The following DMD variants were observed in gnomAD, a reference collection of about 807,000 sequenced individuals.
DMD encodes mutant dystrophin.
A neutral mutation model predicts 330.1 loss-of-function variants in DMD; 63 were observed. That is an observed-to-expected ratio of 0.19 (90% CI 0.16 to 0.24). The LOEUF is 0.24. Ranked by LOEUF, DMD falls within the 10% of genes least tolerant of loss-of-function variation. The pLI is 1.00. For synonymous variants in DMD, 1,223 were observed against 959.8 expected (o/e 1.27, Z -5.07); for missense variants, 3,344 against 2,684.1 (o/e 1.25, Z -5.43).
chrX:31,231,220 G>A (rs1272208105), intron 63 of DMD, among the ~76,000 whole-genome samples: 1 of 110,592 alleles, frequency 9.0e-6, no homozygotes, highest in African/African-American at 3.3e-5. Flanking sequence ...ACAAAGCAGT[G>A]TTGCCTGATC....
At chrX:32,472,644 G>A (rs2040783130) in intron 21 of DMD, among the ~76,000 whole-genome samples, 1 of 110,627 alleles carries the variant, frequency 9.0e-6, no homozygotes, top group Non-Finnish European at 1.9e-5. Context: ...TGATACAGAT[G>A]GTATTTGCAG....
chrX:32,316,202 TATTAAA>T (rs2097581934), intron 41 of DMD, among the ~76,000 whole-genome samples: 1 of 111,533 alleles, frequency 9.0e-6, no homozygotes, highest in Non-Finnish European at 1.9e-5. Flanking sequence ...CACTTAGAAA[TATTAAA>T]ATTCTTATGG....
At chrX:32,023,992 G>T (rs2095826569) in intron 44 of DMD, among the ~76,000 whole-genome samples, 1 of 111,371 alleles carries the variant, frequency 9.0e-6, no homozygotes, top group Non-Finnish European at 1.9e-5. Context: ...TACCATGCTC[G>T]CTACCTGGGT....
At chrX:33,220,020 G>C (rs1457554493) in intron 1 of DMD, among the ~76,000 whole-genome samples, 4 of 111,181 alleles carry the variant, frequency 3.6e-5, no homozygotes, top group African/African-American at 9.8e-5. Context: ...AATATGTCAA[G>C]GTAAAGGAAT....
intron 54 of DMD, among the ~76,000 whole-genome samples, chrX:31,656,994 C>T (rs776694200): frequency 2.7e-5 from 3 of 111,424 alleles, no homozygotes; most frequent in Non-Finnish European, 1.9e-5. Context: ...TTTAGTTGGC[C>T]GCTTAATTTC....
At chrX:31,270,495 G>T in intron 62 of DMD, among the ~76,000 whole-genome samples, 1 of 112,058 alleles carries the variant, frequency 8.9e-6, no homozygotes, top group South Asian at 3.7e-4. Context: ...GAGGGTAAAG[G>T]CATATCAACA....
intron 53 of DMD, among the ~76,000 whole-genome samples, chrX:31,670,599 T>A (rs180698246): frequency 8.9e-6 from 1 of 111,860 alleles, no homozygotes; most frequent in Admixed American, 9.5e-5. Flanking sequence ...CTGAAACCTG[T>A]AGGGGAGAAT....
At chrX:33,016,434 C>T (rs954480284) in intron 2 of DMD, among the ~76,000 whole-genome samples, 1 of 111,295 alleles carries the variant, frequency 9.0e-6, no homozygotes, top group African/African-American at 3.3e-5. Context: ...ATTTCCAGGT[C>T]TTCTCCCTGT....
At chrX:33,124,302 C>T (rs1415621529) in intron 1 of DMD, among the ~76,000 whole-genome samples, 1 of 108,468 alleles carries the variant, frequency 9.2e-6, no homozygotes, top group African/African-American at 3.4e-5. Context: ...ATGGTGAAAC[C>T]TCGGCTCTAC....
chrX:32,688,220 C>A (rs764515642), intron 9 of DMD, among the ~76,000 whole-genome samples: 13 of 110,743 alleles, frequency 1.2e-4, no homozygotes, highest in Non-Finnish European at 1.9e-4. Context: ...TAAATGAGAG[C>A]ATTCAAATAT....
chrX:32,595,921 C>T (rs2055468108), intron 12 of DMD, 45 bp from the exon 13 acceptor site: 1 of 1,073,609 alleles, frequency 9.3e-7, no homozygotes, highest in Non-Finnish European at 1.3e-6. Flanking sequence ...GATATTCTTA[C>T]ATGTGTGTTG....
At chrX:32,449,704 G>A (rs1164928144) in intron 26 of DMD, among the ~76,000 whole-genome samples, 2 of 108,938 alleles carry the variant, frequency 1.8e-5, no homozygotes, top group African/African-American at 6.7e-5. Flanking sequence ...GTCTTCGGTT[G>A]GGAGACATTT....
At chrX:32,120,345 G>A (rs185203694) in intron 44 of DMD, among the ~76,000 whole-genome samples, 292 of 111,868 alleles carry the variant, frequency 2.6e-3, no homozygotes, top group Non-Finnish European at 4.6e-3. Context: ...AAAGTTACTG[G>A]ACCAGCAACT....
intron 41 of DMD, among the ~76,000 whole-genome samples, chrX:32,335,208 C>T (rs887520167): frequency 1.1e-4 from 12 of 108,378 alleles, no homozygotes; most frequent in Admixed American, 9.1e-4. Context: ...TTAAGGACTA[C>T]TTTTTTTTCT....
intron 60 of DMD, among the ~76,000 whole-genome samples, chrX:31,429,857 G>A (rs971624474): frequency 9.2e-6 from 1 of 109,070 alleles, no homozygotes; most frequent in African/African-American, 3.4e-5. Context: ...AATTAGTGTG[G>A]TCAAATTTTA....
chrX:31,241,639 T>C (rs996694703), intron 63 of DMD, among the ~76,000 whole-genome samples: 1 of 111,597 alleles, frequency 9.0e-6, no homozygotes, highest in Non-Finnish European at 1.9e-5. Flanking sequence ...CTGTCCAATC[T>C]GTGATTACCT....
chrX:32,754,751 C>T (rs966946455), intron 7 of DMD, among the ~76,000 whole-genome samples: 1 of 111,268 alleles, frequency 9.0e-6, no homozygotes, highest in Non-Finnish European at 1.9e-5. Context: ...CTAATTTATA[C>T]TCAATAGCAT....
intron 63 of DMD, among the ~76,000 whole-genome samples, chrX:31,226,242 C>T (rs1282271116): frequency 1.8e-5 from 2 of 111,727 alleles, no homozygotes; most frequent in African/African-American, 6.5e-5. Context: ...TTTCTTGTTC[C>T]GTGTTGTTAA....
At chrX:31,290,512 C>T (rs1029984345) in intron 62 of DMD, among the ~76,000 whole-genome samples, 2 of 111,764 alleles carry the variant, frequency 1.8e-5, no homozygotes, top group Admixed American at 9.5e-5. Flanking sequence ...AACAGTTATA[C>T]ATATCTTATT....
Sources: allele counts gnomAD v4.1 joint callset (sites outside exome capture counted in the v4.1 genomes callset), GRCh38; gene constraint gnomAD v4.1.1; transcripts MANE v1.5; gene names NCBI Gene and HGNC (gene_info 2026-07-23, HGNC 2026-07-21).